The following ALK variants were observed in gnomAD, a reference collection of about 807,000 sequenced individuals.
ALK encodes the protein ALK receptor tyrosine kinase, also known as ALK tyrosine kinase receptor.
In ALK, 74 loss-of-function variants were observed where a neutral mutation model predicts 163.1. The ratio of observed to expected loss-of-function variants is 0.45; its 90% confidence interval spans 0.38 to 0.55. The LOEUF (loss-of-function observed/expected upper bound fraction) is 0.55. ALK is among the 20% of genes least tolerant of loss of function. ALK has a pLI of 0.00. For synonymous variants in ALK, 960 were observed against 843.2 expected, an observed-to-expected ratio of 1.14 and a Z score of -2.40; for missense variants, 2,063 against 2,105.3, an observed-to-expected ratio of 0.98 and a Z score of 0.39.
intron 1 of ALK, among the ~76,000 whole-genome samples, chr2:29,786,665 G>A (rs572833939): frequency 6.6e-6 from 1 of 152,288 alleles, no homozygotes; most frequent in African/African-American, 2.4e-5. Context: ...TCTCAGTTGT[G>A]GGAGCCCAAA....
chr2:29,610,543 A>C (rs1573497157), intron 3 of ALK, among the ~76,000 whole-genome samples: 1 of 152,086 alleles, frequency 6.6e-6, no homozygotes, highest in Non-Finnish European at 1.5e-5. Flanking sequence ...TTCCACTCAC[A>C]CCAGCCAGCA....
rs1296004991 is a variant in ALK, at chr2:29,905,597, AG to A, written c.667+14395del. Among the ~76,000 whole-genome samples the A allele has an allele frequency of 9.9e-5, 15 of 151,402 alleles. No individual in the cohort carries two copies. The South Asian group carries it at 1.3e-3, about 13-fold the overall frequency. ...AAGGGAAGGGGCAAGGAAAGAAGGA[AG>A]GAAAGAAGGAAGGGAGGAAGGAAGG... On this transcript the variant is annotated intron_variant, in intron 1 of 28. Transcript: ENST00000389048.
intron 3 of ALK, among the ~76,000 whole-genome samples, chr2:29,665,434 G>GT (rs1168815018): frequency 2.0e-5 from 3 of 152,038 alleles, no homozygotes; most frequent in African/African-American, 4.8e-5. Context: ...CAAGTTTAAT[G>GT]TGTCTGTCAC....
intron 4 of ALK, among the ~76,000 whole-genome samples, chr2:29,503,440 G>A (rs554513066): frequency 4.5e-4 from 68 of 152,310 alleles, no homozygotes; most frequent in South Asian, 8.3e-4. Flanking sequence ...TGGAAAAGCC[G>A]TGATATCTTT....
chr2:29,721,250 G>T (rs1679412981), intron 1 of ALK, among the ~76,000 whole-genome samples: 1 of 152,180 alleles, frequency 6.6e-6, no homozygotes, highest in African/African-American at 2.4e-5. Flanking sequence ...CTCAGCTTCA[G>T]CTCCAGGGCT....
chr2:29,751,141 T>C (rs971804863), intron 1 of ALK, among the ~76,000 whole-genome samples: 2 of 151,978 alleles, frequency 1.3e-5, no homozygotes, highest in African/African-American at 4.8e-5. Context: ...AGATAATAAA[T>C]GGTACACCTG....
chr2:29,698,586 G>A (rs140326280), intron 2 of ALK, among the ~76,000 whole-genome samples: 1 of 152,332 alleles, frequency 6.6e-6, no homozygotes, highest in Non-Finnish European at 1.5e-5. Flanking sequence ...AACTGTCTGA[G>A]TTGTGTCCTG....
chr2:29,874,930 T>C (rs1298248538), intron 1 of ALK, among the ~76,000 whole-genome samples: 1 of 152,204 alleles, frequency 6.6e-6, no homozygotes, highest in Admixed American at 6.5e-5. Context: ...TAGAATCACC[T>C]AAAGAGCTTT....
intron 3 of ALK, among the ~76,000 whole-genome samples, chr2:29,670,657 G>A (rs1451995666): frequency 6.6e-6 from 1 of 151,938 alleles, no homozygotes; most frequent in Non-Finnish European, 1.5e-5. Context: ...GGTCTTTGGA[G>A]ATAATTTTCT....
chr2:29,328,603 C>T (rs760457455), intron 5 of ALK, 122 bp from the exon 6 acceptor site: 45 of 1,315,928 alleles, frequency 3.4e-5, no homozygotes, highest in African/African-American at 4.4e-5. Flanking sequence ...GCCATTCACA[C>T]TCCAAGGCCT....
chr2:29,742,615 T>C (rs1680092212), intron 1 of ALK, among the ~76,000 whole-genome samples: 1 of 152,150 alleles, frequency 6.6e-6, no homozygotes, highest in Admixed American at 6.5e-5. Flanking sequence ...ATTAGTCCAG[T>C]GATCTATCCA....
At chr2:29,530,743 C>T (rs1327727518) in intron 4 of ALK, among the ~76,000 whole-genome samples, 1 of 152,232 alleles carries the variant, frequency 6.6e-6, no homozygotes, top group Non-Finnish European at 1.5e-5. Context: ...GCCCAGACAC[C>T]TGCTATGCCA....
rs144011701 is a variant in ALK, at chr2:29,656,085, A to T, written c.952+38765T>A. On this transcript the variant is annotated intron_variant, in intron 3 of 28. Coordinates refer to ENST00000389048, the MANE Select transcript of ALK (RefSeq NM_004304.5). ...CTAGAACATTTTTTTGGTGATGGAA[A>T]TTTTTTTTCCTTGATTGCAGGGCTG... Among the ~76,000 whole-genome samples the T allele has an allele frequency of 2.5e-3, 387 of 152,084 alleles. 8 individuals are homozygous for T. The highest frequency in any genetic ancestry group is 3.4e-3 in the Middle Eastern group (1 of 294).
intron 1 of ALK, among the ~76,000 whole-genome samples, chr2:29,778,519 C>T (rs564443865): frequency 6.1e-4 from 93 of 152,274 alleles, no homozygotes; most frequent in African/African-American, 2.2e-3. Context: ...TGGGTGCAGG[C>T]ATCGTGTGTG....
chr2:29,385,128 T>TGAAA (rs1282351157), intron 4 of ALK, among the ~76,000 whole-genome samples: 2 of 152,030 alleles, frequency 1.3e-5, no homozygotes, highest in South Asian at 4.2e-4. Flanking sequence ...CATTTTTTTT[T>TGAAA]TTTTTACCAG....
chr2:29,612,874 G>A (rs990150051), intron 3 of ALK, among the ~76,000 whole-genome samples: 5 of 152,070 alleles, frequency 3.3e-5, no homozygotes, highest in South Asian at 2.1e-4. Context: ...TAGTACCTTC[G>A]GAATTTTAGA....
intron 1 of ALK, among the ~76,000 whole-genome samples, chr2:29,797,597 A>G (rs942542495): frequency 6.6e-6 from 1 of 152,182 alleles, no homozygotes; most frequent in Admixed American, 6.5e-5. Flanking sequence ...ATTCACCAGT[A>G]TAGCCCAAGT....
intron 2 of ALK, among the ~76,000 whole-genome samples, chr2:29,712,173 C>G (rs1679123087): frequency 6.6e-6 from 1 of 152,172 alleles, no homozygotes; most frequent in Non-Finnish European, 1.5e-5. Flanking sequence ...CAGGGCCCTC[C>G]AGGTGATAGG....
chr2:29,299,399 C>G (rs763840538), intron 8 of ALK, among the ~76,000 whole-genome samples: 1 of 152,184 alleles, frequency 6.6e-6, no homozygotes, highest in East Asian at 1.9e-4. Flanking sequence ...ATTTGTTAAG[C>G]ACTTATGCTG....
Sources: allele counts gnomAD v4.1 joint callset (sites outside exome capture counted in the v4.1 genomes callset), GRCh38; gene constraint gnomAD v4.1.1; transcripts MANE v1.5; gene names NCBI Gene and HGNC (gene_info 2026-07-23, HGNC 2026-07-21).